IL1RAPL1: variants seen among roughly 807,000 people sequenced by gnomAD.
The protein encoded by IL1RAPL1 is interleukin 1 receptor accessory protein like 1.
In IL1RAPL1, 3 loss-of-function variants were observed where a neutral mutation model predicts 48.4. That is an observed-to-expected ratio of 0.06 (90% confidence interval 0.03 to 0.16). The LOEUF is 0.16. Among genes scored for constraint, IL1RAPL1 ranks in the 10% least tolerant of loss-of-function variants. IL1RAPL1 has a pLI of 1.00. For synonymous variants in IL1RAPL1, 185 were observed against 187.7 expected, an observed-to-expected ratio of 0.99 and a Z score of 0.12; for missense variants, 349 against 530.6, an observed-to-expected ratio of 0.66 and a Z score of 3.36.
chrX:28,873,473 T>C (rs752676326), intron 2 of IL1RAPL1, among the ~76,000 whole-genome samples: 1 of 107,435 alleles, frequency 9.3e-6, no homozygotes, highest in African/African-American at 3.4e-5. Context: ...TTAATGTACA[T>C]AGAGTTCGTA....
intron 1 of IL1RAPL1, among the ~76,000 whole-genome samples, chrX:28,590,136 G>A (rs1274311183): frequency 9.0e-6 from 1 of 111,080 alleles, no homozygotes; most frequent in Non-Finnish European, 1.9e-5. Context: ...TACACATCAG[G>A]TCCTTTTGGC....
chrX:29,719,527 T>G (rs1927576243), intron 6 of IL1RAPL1, among the ~76,000 whole-genome samples: 1 of 110,349 alleles, frequency 9.1e-6, no homozygotes, highest in Non-Finnish European at 1.9e-5. Context: ...GTGGGGTTTT[T>G]TAAATCTTTA....
chrX:28,942,301 T>G (rs189724481), intron 2 of IL1RAPL1: 1 of 109,491 alleles, frequency 9.1e-6, no homozygotes, highest in African/African-American at 3.3e-5. Flanking sequence ...TGCAATGTAA[T>G]AAAATATAAT....
At chrX:28,985,657 ATTTTT>A (rs377736234) in intron 2 of IL1RAPL1, among the ~76,000 whole-genome samples, 1 of 92,685 alleles carries the variant, frequency 1.1e-5, no homozygotes, top group Non-Finnish European at 2.1e-5. Context: ...TAACGAGCAC[ATTTTT>A]TTTTTTTTTT....
intron 6 of IL1RAPL1, among the ~76,000 whole-genome samples, chrX:29,674,316 C>T (rs1458438498): frequency 2.7e-5 from 3 of 111,440 alleles, no homozygotes; most frequent in Non-Finnish European, 3.8e-5. Flanking sequence ...GTCCCAGCTA[C>T]TTGGGAGGCT....
chrX:29,455,690 A>G, intron 5 of IL1RAPL1, among the ~76,000 whole-genome samples: 1 of 112,087 alleles, frequency 8.9e-6, no homozygotes, highest in African/African-American at 3.2e-5. Flanking sequence ...TCACAAATAC[A>G]TGATGTGAGT....
At chrX:28,688,060 C>T (rs1239466978) in intron 1 of IL1RAPL1, among the ~76,000 whole-genome samples, 1 of 95,634 alleles carries the variant, frequency 1.0e-5, no homozygotes, top group Non-Finnish European at 2.0e-5. Context: ...GCCGAGACTG[C>T]GTCACTGCAG....
chrX:29,559,565 T>C (rs781562099), intron 5 of IL1RAPL1, among the ~76,000 whole-genome samples: 7 of 111,782 alleles, frequency 6.3e-5, no homozygotes, highest in Admixed American at 9.5e-5. Context: ...GTAGGCTATA[T>C]GCTTTTAGGA....
intron 2 of IL1RAPL1, among the ~76,000 whole-genome samples, chrX:29,253,240 G>A (rs888830918): frequency 9.0e-6 from 1 of 110,932 alleles, no homozygotes; most frequent in African/African-American, 3.3e-5. Flanking sequence ...AGTCATGCTA[G>A]ATGATAAAGT....
At chrX:28,663,353 T>A (rs1169795556) in intron 1 of IL1RAPL1, among the ~76,000 whole-genome samples, 1 of 112,230 alleles carries the variant, frequency 8.9e-6, no homozygotes, top group Non-Finnish European at 1.9e-5. Flanking sequence ...CAACCTGGGC[T>A]GCTGCAGATC....
rs1160866412 is a variant in IL1RAPL1, at chrX:29,469,274, A to G, written c.703+69966A>G. On this transcript the variant is annotated intron_variant, in intron 5 of 10. Transcript: ENST00000378993. The stretch of plus-strand genomic sequence containing the variant: ...GCAAAATGGCAAATCTGTTTGCATA[A>G]TAAACCATATAATGTGCTGCATCAT... 2.7e-5 allele frequency among the ~76,000 whole-genome samples: 3 copies of G among 112,128 alleles called. No homozygotes were observed. The East Asian group carries it at 8.5e-4, about 32-fold the overall frequency.
chrX:29,693,809 ATTCAT>A (rs1171870003), intron 6 of IL1RAPL1, among the ~76,000 whole-genome samples: 1 of 108,974 alleles, frequency 9.2e-6, no homozygotes, highest in East Asian at 2.8e-4. Flanking sequence ...TAGTGAAATG[ATTCAT>A]TTCTTTTTTT....
intron 2 of IL1RAPL1, among the ~76,000 whole-genome samples, chrX:29,080,730 C>G (rs1026017213): frequency 1.9e-5 from 2 of 107,607 alleles, no homozygotes; most frequent in African/African-American, 6.8e-5. Flanking sequence ...AATTATTATT[C>G]TTCCAAGCAA....
At chrX:29,157,709 C>CTACTT (rs2147502889) in intron 2 of IL1RAPL1, among the ~76,000 whole-genome samples, 1 of 110,814 alleles carries the variant, frequency 9.0e-6, no homozygotes, top group South Asian at 3.8e-4. Context: ...TTAGTTTACT[C>CTACTT]AGCCTCAGAT....
intron 3 of IL1RAPL1, among the ~76,000 whole-genome samples, chrX:29,334,732 G>GA (rs1436025642): frequency 1.8e-5 from 2 of 113,103 alleles, no homozygotes; most frequent in African/African-American, 6.4e-5. Context: ...GCCGGGCAGA[G>GA]ACGCTCCTCA....
intron 6 of IL1RAPL1, among the ~76,000 whole-genome samples, chrX:29,831,445 T>C (rs768931152): frequency 9.0e-6 from 1 of 111,547 alleles, no homozygotes; most frequent in East Asian, 2.8e-4. Flanking sequence ...TGCAAAGTCT[T>C]GGAGCTGTAT....
chrX:29,203,335 A>G (rs1930593471), intron 2 of IL1RAPL1, among the ~76,000 whole-genome samples: 1 of 111,918 alleles, frequency 8.9e-6, no homozygotes, highest in Non-Finnish European at 1.9e-5. Flanking sequence ...CATGTTTACA[A>G]TGTGTAATAA....
intron 2 of IL1RAPL1, among the ~76,000 whole-genome samples, chrX:29,125,480 T>C (rs1310800251): frequency 8.9e-6 from 1 of 112,167 alleles, no homozygotes. Flanking sequence ...TATTACACAT[T>C]CCCCTGGAAA....
chrX:29,740,007 C>T (rs1419313226), intron 6 of IL1RAPL1, among the ~76,000 whole-genome samples: 1 of 107,887 alleles, frequency 9.3e-6, no homozygotes, highest in Non-Finnish European at 1.9e-5. Flanking sequence ...TTGCAGCAAG[C>T]CGAGATCGCG....
Sources: allele counts gnomAD v4.1 joint callset (sites outside exome capture counted in the v4.1 genomes callset), GRCh38; gene constraint gnomAD v4.1.1; transcripts MANE v1.5; gene names NCBI Gene and HGNC (gene_info 2026-07-23, HGNC 2026-07-21).